GCC2: variants seen among roughly 807,000 people sequenced by gnomAD.
GCC2 encodes GRIP and coiled-coil domain-containing protein 2.
A neutral mutation model predicts 210.6 loss-of-function variants in GCC2; 120 were observed. That is an observed-to-expected ratio of 0.57 (90% confidence interval 0.49 to 0.66). GCC2 has a LOEUF of 0.66. Among genes scored for constraint, GCC2 ranks in the 30% least tolerant of loss-of-function variants. GCC2 has a pLI of 0.00. For missense variants in GCC2, 1,868 were observed against 1,871.9 expected, an observed-to-expected ratio of 1.00 and a Z score of 0.04; for synonymous variants, 703 against 652.7, an observed-to-expected ratio of 1.08 and a Z score of -1.17.
At chr2:108,490,049 C>T (rs747898600) in intron 18 of GCC2, 35 bp downstream of exon 18, 1 of 1,442,372 alleles carries the variant, frequency 6.9e-7, no homozygotes, top group South Asian at 1.4e-5. Flanking sequence ...CTGTACCAGA[C>T]AGCAATGTAT....
At chr2:108,477,624 A>G (rs1460474597) in intron 9 of GCC2, among the ~76,000 whole-genome samples, 1 of 152,202 alleles carries the variant, frequency 6.6e-6, no homozygotes, top group Non-Finnish European at 1.5e-5. Context: ...TTTTTATTTC[A>G]CTCCACATAC....
In GCC2 at chr2:108,476,054, C is replaced by CTT. The variant is rs56236751; in HGVS notation, c.3060+229_3060+230dup. On this transcript the variant is annotated intron_variant, in intron 9 of 22. Coordinates refer to ENST00000309863, the MANE Select transcript of GCC2 (RefSeq NM_181453.4). ...TGGTTAAGCTTTAAATAGTGGCTTG[C>CTT]TTTTTTTTTTTTTTTTTTTTTTTTT... 4.3e-4 allele frequency among the ~76,000 whole-genome samples: 41 copies of CTT among 96,318 alleles called. 1 individual carries two copies. Among genetic ancestry groups the CTT allele is most frequent in the African/African-American group, 9.4e-4 (25 of 26,618 alleles). 63.2% of individuals were successfully genotyped at this position (96,318 alleles called of 152,430 possible). A position where few individuals can be genotyped will look rare whatever the true frequency, so the allele number is the denominator to read the frequency against.
intron 4 of GCC2, among the ~76,000 whole-genome samples, chr2:108,466,983 G>A (rs1393882772): frequency 6.6e-6 from 1 of 152,098 alleles, no homozygotes; most frequent in Non-Finnish European, 1.5e-5. Context: ...TCCATTGGTT[G>A]TCTGTGCCTT....
At position 108,490,032 on chromosome 2, in the gene GCC2, A is replaced by G. The variant is rs780144648; in HGVS notation, c.4229+18A>G. 83 of 1,570,578 alleles carry G rather than the reference A, an allele frequency of 5.3e-5. No individual in the cohort carries two copies. The highest frequency in any genetic ancestry group is 6.8e-5 in the Non-Finnish European group (79 of 1,156,208). On this transcript the variant is annotated intron_variant, in intron 18 of 22. Transcript: ENST00000309863. ...CGGGAAAAGTAAGACTGTTAGCAGC[A>G]CTAACGCTGTACCAGACAGCAATGT... is the stretch of plus-strand genomic sequence containing the variant.
intron 4 of GCC2, among the ~76,000 whole-genome samples, chr2:108,467,058 A>G (rs1294340290): frequency 6.6e-6 from 1 of 152,024 alleles, no homozygotes; most frequent in African/African-American, 2.4e-5. Flanking sequence ...TATCTAGGAG[A>G]GTAAGTCCTC....
At chr2:108,449,925 C>T (rs1679830475) in intron 2 of GCC2, 4 of 525,884 alleles carry the variant, frequency 7.6e-6, no homozygotes, top group Admixed American at 3.4e-5. Context: ...GGAGATCCTG[C>T]TATTTTTCGA....
At chr2:108,488,855 T>C (rs1473234750) in intron 17 of GCC2, among the ~76,000 whole-genome samples, 1 of 152,232 alleles carries the variant, frequency 6.6e-6, no homozygotes, top group African/African-American at 2.4e-5. Context: ...CTATTAAATA[T>C]AGAGACTGTA....
Position 108,471,570 on chromosome 2 carries a change from TG to T in GCC2, c.2242del (p.Glu748SerfsTer46). 6.2e-7 allele frequency: 1 copy of T among 1,609,490 alleles called. No homozygotes were observed. The highest frequency in any genetic ancestry group is 8.5e-7 in the Non-Finnish European group (1 of 1,178,576). The part of the protein sequence containing the change: ...QDNLNKLLEN[E>X]QVQKLFVKTQ... ...ATAATTTAAATAAACTGCTTGAAAA[TG>T]AGCAAGTTCAGAAGTTATTTGTTAA... On this transcript the variant is annotated frameshift_variant, in exon 6 of 23. Transcript: ENST00000309863. LOFTEE classifies it high-confidence loss of function.
rs1409335381 is a variant in GCC2, at chr2:108,508,409, T to G, written c.*779T>G. The G allele has an allele frequency of 7.2e-6, 1 of 138,332 alleles. No individual in the cohort carries two copies. The allele number at this position is 138,332 out of a possible 1,614,324, so 8.6% of individuals were successfully genotyped here. A position where few individuals can be genotyped will look rare whatever the true frequency, so the allele number is the denominator to read the frequency against. ...GTATACTATCTCAAAACTCATTATGTTGTCAGAGCCCTAGAGCTGGCTAGT... is the reference window on the plus strand; with the variant it reads ...GTATACTATCTCAAAACTCATTATGGTGTCAGAGCCCTAGAGCTGGCTAGT... On this transcript the variant is annotated 3_prime_UTR_variant, in exon 23 of 23. Coordinates refer to ENST00000309863, the MANE Select transcript of GCC2 (RefSeq NM_181453.4).
chr2:108,504,602 T>G lies in GCC2; in HGVS notation c.4985-2958T>G, dbSNP rs184353069. ...TTAATTCACCTTGCCCCCACACACATTAAAACTCAGCATATTTCACAAATT... is the reference window on the plus strand; with the variant it reads ...TTAATTCACCTTGCCCCCACACACAGTAAAACTCAGCATATTTCACAAATT... On this transcript the variant is annotated intron_variant, in intron 22 of 22. Coordinates refer to ENST00000309863, the MANE Select transcript of GCC2 (RefSeq NM_181453.4). Among the ~76,000 whole-genome samples the G allele has an allele frequency of 1.8e-3, 281 of 152,300 alleles. 1 individual carries two copies. Among genetic ancestry groups the G allele is most frequent in the East Asian group, 7.7e-4 (4 of 5,180 alleles).
intron 4 of GCC2, among the ~76,000 whole-genome samples, chr2:108,468,361 C>T (rs149413327): frequency 1.2e-3 from 188 of 152,250 alleles, no homozygotes; most frequent in African/African-American, 4.4e-3. Context: ...CCACCATCCC[C>T]GACTTACATA....
intron 9 of GCC2, 72 bp downstream of exon 9, chr2:108,475,922 G>T (rs1291198700): frequency 1.3e-6 from 1 of 780,266 alleles, no homozygotes; most frequent in Non-Finnish European, 2.1e-6. Flanking sequence ...AAATGTAGTG[G>T]AAATGTAAAA....
chr2:108,476,770 A>T (rs1321561287), intron 9 of GCC2, among the ~76,000 whole-genome samples: 3 of 152,194 alleles, frequency 2.0e-5, no homozygotes, highest in African/African-American at 7.2e-5. Flanking sequence ...AGGTCAACCA[A>T]ATAGACTGAG....
rs773473660 is a variant in GCC2, at chr2:108,487,692, G to A, written c.3931-7G>A. The A allele has an allele frequency of 3.7e-6, 6 of 1,609,414 alleles. No individual in the cohort carries two copies. The highest frequency in any genetic ancestry group is 5.1e-6 in the Non-Finnish European group (6 of 1,178,282). On this transcript the variant is annotated splice_polypyrimidine_tract_variant and splice_region_variant and intron_variant, in intron 16 of 22. Coordinates refer to ENST00000309863, the MANE Select transcript of GCC2 (RefSeq NM_181453.4). ...AGAAAAACGTTTCTCTCTTTTAAAT[G>A]TTATAGGCAGAACAAGCTACTGTAA...
chr2:108,451,230 C>G (rs1220951754), intron 3 of GCC2, 118 bp downstream of exon 3: 3 of 622,314 alleles, frequency 4.8e-6, no homozygotes, highest in East Asian at 5.7e-5. Flanking sequence ...TCCAAGTACA[C>G]CTTAGTGTAG....
intron 7 of GCC2, among the ~76,000 whole-genome samples, chr2:108,473,806 A>C (rs1476179549): frequency 6.6e-6 from 1 of 152,112 alleles, no homozygotes; most frequent in African/African-American, 2.4e-5. Context: ...ATCTGGAGTT[A>C]AGGGGAGAGA....
In GCC2 at chr2:108,508,212, A is replaced by G. The variant is rs1319151741; in HGVS notation, c.*582A>G. 6.6e-6 allele frequency: 1 copy of G among 151,190 alleles called. No homozygotes were observed. Among genetic ancestry groups the G allele is most frequent in the Admixed American group, 6.7e-5 (1 of 14,966 alleles). The allele number at this position is 151,190 out of a possible 1,614,324, so 9.4% of individuals were successfully genotyped here. A position where few individuals can be genotyped will look rare whatever the true frequency, so the allele number is the denominator to read the frequency against. On this transcript the variant is annotated 3_prime_UTR_variant, in exon 23 of 23. Transcript: ENST00000309863. ...ATTTATTGCAAGGTCAGAGTTACAG[A>G]TTGTTATAAATTGTTGAGAAATTTT...
intron 4 of GCC2, among the ~76,000 whole-genome samples, chr2:108,461,843 T>TTTTC (rs1680601377): frequency 7.0e-6 from 1 of 143,320 alleles, no homozygotes; most frequent in Non-Finnish European, 1.5e-5. Context: ...TTTCTTTTTT[T>TTTTC]TTTTTTTTGA....
At chr2:108,449,776 T>G (rs1679816475) in intron 2 of GCC2, 87 bp downstream of exon 2, 3 of 963,920 alleles carry the variant, frequency 3.1e-6, no homozygotes, top group Non-Finnish European at 4.8e-6. Flanking sequence ...GGGGGGGCGC[T>G]GATTTTTTTT....
Sources: allele counts gnomAD v4.1 joint callset (sites outside exome capture counted in the v4.1 genomes callset), GRCh38; gene constraint gnomAD v4.1.1; transcripts MANE v1.5; gene names NCBI Gene and HGNC (gene_info 2026-07-23, HGNC 2026-07-21).